RNGTT: variants seen among roughly 807,000 people sequenced by gnomAD.
RNGTT encodes RNA guanylyltransferase and 5'-phosphatase.
RNGTT carries 33 observed loss-of-function variants against 79.3 expected under a neutral mutation model. The observed-to-expected ratio is 0.42, with a 90% confidence interval of 0.32 to 0.56. The LOEUF is 0.56. Among genes scored for constraint, RNGTT ranks in the 20% least tolerant of loss-of-function variants. RNGTT has a pLI of 0.17. For missense variants in RNGTT, 497 were observed against 739.1 expected (o/e 0.67, Z 3.80); for synonymous variants, 222 against 235.9 (o/e 0.94, Z 0.54).
intron 7 of RNGTT, 99 bp from the exon 8 acceptor site, chr6:88,890,695 T>C: frequency 1.4e-6 from 1 of 693,892 alleles, no homozygotes; most frequent in East Asian, 2.9e-5. Flanking sequence ...TATCACAATG[T>C]TCTCCCTATG....
At chr6:88,645,030 G>T in intron 14 of RNGTT, among the ~76,000 whole-genome samples, 1 of 152,130 alleles carries the variant, frequency 6.6e-6, no homozygotes, top group Non-Finnish European at 1.5e-5. Context: ...AAGAAATAAA[G>T]GGTATTCAAT....
chr6:88,804,064 G>C (rs1779879977), intron 11 of RNGTT, among the ~76,000 whole-genome samples: 1 of 152,042 alleles, frequency 6.6e-6, no homozygotes, highest in Non-Finnish European at 1.5e-5. Flanking sequence ...ATGGAGTGTT[G>C]TGCTTGGTAC....
intron 14 of RNGTT, among the ~76,000 whole-genome samples, chr6:88,640,386 C>CAAAAAAAA: frequency 1.0e-5 from 1 of 97,154 alleles, no homozygotes; most frequent in Non-Finnish European, 2.1e-5. Context: ...CCTGTCTCTA[C>CAAAAAAAA]AAAAAAAAAA....
chr6:88,667,227 G>C (rs1051910794), intron 14 of RNGTT, among the ~76,000 whole-genome samples: 2 of 152,044 alleles, frequency 1.3e-5, no homozygotes, highest in African/African-American at 2.4e-5. Context: ...AAGGCAGAAG[G>C]GGGGCAAGTG....
At chr6:88,905,032 T>G (rs1783607092) in intron 5 of RNGTT, 77 bp from the exon 6 acceptor site, 1 of 1,530,580 alleles carries the variant, frequency 6.5e-7, no homozygotes, top group Non-Finnish European at 8.8e-7. Context: ...ACTTATTATA[T>G]TCAAGGCTCC....
chr6:88,921,268 T>C (rs1478995922), intron 4 of RNGTT, among the ~76,000 whole-genome samples: 2 of 152,030 alleles, frequency 1.3e-5, no homozygotes, highest in Non-Finnish European at 2.9e-5. Flanking sequence ...CAAAGCTGTC[T>C]TGGTTTTAAA....
At chr6:88,652,711 G>A (rs1046932133) in intron 14 of RNGTT, among the ~76,000 whole-genome samples, 5 of 152,148 alleles carry the variant, frequency 3.3e-5, no homozygotes, top group African/African-American at 1.2e-4. Context: ...TTTGCTTGGG[G>A]TTGTTCACAA....
intron 14 of RNGTT, among the ~76,000 whole-genome samples, chr6:88,660,885 T>C (rs549708093): frequency 3.3e-5 from 5 of 152,098 alleles, no homozygotes; most frequent in Non-Finnish European, 7.4e-5. Flanking sequence ...TCAGCACATG[T>C]AACATTCTCC....
intron 13 of RNGTT, among the ~76,000 whole-genome samples, chr6:88,687,223 A>C (rs193109024): frequency 6.6e-5 from 10 of 152,322 alleles, no homozygotes; most frequent in African/African-American, 2.4e-4. Flanking sequence ...ATGCAAATTA[A>C]AACAACACTG....
chr6:88,676,794 A>G (rs1582315797), intron 14 of RNGTT, among the ~76,000 whole-genome samples: 1 of 152,350 alleles, frequency 6.6e-6, no homozygotes, highest in Middle Eastern at 3.4e-3. Context: ...AGATATGAAC[A>G]TCCATTTCAC....
rs577024282 is a variant in RNGTT at position 88,795,705 on chromosome 6, A to C, written c.1338+5859T>G. ...ATAATTTTTTAAAAACCACCACCAA[A>C]AAAAGCAAACAAACAAACAAAAAAC... On this transcript the variant is annotated intron_variant, in intron 12 of 15. Transcript: ENST00000369485. Among the ~76,000 whole-genome samples, 40 of 152,248 alleles carry C rather than the reference A, an allele frequency of 2.6e-4. 1 individual carries two copies. In the East Asian group the frequency reaches 7.5e-3, roughly 29 times the overall value.
intron 8 of RNGTT, among the ~76,000 whole-genome samples, chr6:88,883,429 A>C (rs1782754961): frequency 6.6e-6 from 1 of 152,168 alleles, no homozygotes; most frequent in South Asian, 2.1e-4. Context: ...TAGTACATTT[A>C]AAATAAGCCT....
rs1480903344 is a variant in RNGTT, at chr6:88,780,104, T to C, written c.1339-10230A>G. On this transcript the variant is annotated intron_variant, in intron 12 of 15. Coordinates refer to ENST00000369485, the MANE Select transcript of RNGTT (RefSeq NM_003800.5). ...ACACAGATTCTATGAGTAAAATATATTGAAATACCCATTAGAATGTAATTC... is the reference window on the plus strand; with the variant it reads ...ACACAGATTCTATGAGTAAAATATACTGAAATACCCATTAGAATGTAATTC... Among the ~76,000 whole-genome samples the C allele has an allele frequency of 3.3e-5, 5 of 152,222 alleles. 1 individual carries two copies. The highest frequency in any genetic ancestry group is 4.1e-4 in the South Asian group (2 of 4,834).
In RNGTT at chr6:88,632,672, T is replaced by C. The variant is rs118076837; in HGVS notation, c.1507-18277A>G. Among the ~76,000 whole-genome samples, 832 of 152,070 alleles carry C rather than the reference T, an allele frequency of 5.5e-3. 8 individuals are homozygous for C. Among genetic ancestry groups the C allele is most frequent in the Non-Finnish European group, 8.6e-3 (584 of 68,004 alleles). On this transcript the variant is annotated intron_variant, in intron 14 of 15. Coordinates refer to ENST00000369485, the MANE Select transcript of RNGTT (RefSeq NM_003800.5). Reference sequence around the variant, plus strand: ...AACAAAAACAAACAAACAAACCTGATTGAGATCCACTTAATGGATTTCGAA... The same window carrying C: ...AACAAAAACAAACAAACAAACCTGACTGAGATCCACTTAATGGATTTCGAA...
At chr6:88,946,768 C>A (rs1370167209) in intron 1 of RNGTT, among the ~76,000 whole-genome samples, 3 of 149,116 alleles carry the variant, frequency 2.0e-5, no homozygotes, top group Admixed American at 6.7e-5. Context: ...GATTCTCCTG[C>A]CTCAGTCTGC....
intron 13 of RNGTT, among the ~76,000 whole-genome samples, chr6:88,680,614 T>G (rs1025532226): frequency 1.3e-5 from 2 of 151,828 alleles, no homozygotes; most frequent in Non-Finnish European, 2.9e-5. Context: ...TGGTGGCGCA[T>G]GCTTGTAATC....
intron 11 of RNGTT, among the ~76,000 whole-genome samples, chr6:88,804,585 G>C (rs1779896454): frequency 6.6e-6 from 1 of 152,054 alleles, no homozygotes; most frequent in Admixed American, 6.5e-5. Context: ...GGTTTTCTAA[G>C]AATAGAGATG....
At chr6:88,824,962 C>G (rs910742070) in intron 11 of RNGTT, among the ~76,000 whole-genome samples, 1 of 152,022 alleles carries the variant, frequency 6.6e-6, no homozygotes, top group Non-Finnish European at 1.5e-5. Context: ...AGGCTGGTCT[C>G]AAACTCCTGA....
At chr6:88,915,909 A>T (rs985123697) in intron 4 of RNGTT, among the ~76,000 whole-genome samples, 5 of 152,194 alleles carry the variant, frequency 3.3e-5, no homozygotes, top group Admixed American at 6.5e-5. Context: ...ATTTTTTTTT[A>T]AAACTGTTAC....
Sources: gnomAD v4.1 joint callset for allele counts (sites outside exome capture counted in the v4.1 genomes callset) on GRCh38, gnomAD v4.1.1 for gene constraint, MANE v1.5 for transcripts, NCBI Gene and HGNC (gene_info 2026-07-23, HGNC 2026-07-21) for gene names.